Variants in TAOK3 observed in about 807,000 individuals in gnomAD.
The protein encoded by TAOK3 is TAO kinase 3, also known as serine/threonine-protein kinase TAO3.
In TAOK3, 40 loss-of-function variants were observed where a neutral mutation model predicts 120.4. That is an observed-to-expected ratio of 0.33 (90% CI 0.26 to 0.43). The LOEUF (loss-of-function observed/expected upper bound fraction) is 0.43. Ranked by LOEUF, TAOK3 falls within the 20% of genes least tolerant of loss-of-function variation. TAOK3 has a pLI of 1.00. For missense variants in TAOK3, 821 were observed against 1,112.1 expected (o/e 0.74, Z 3.72); for synonymous variants, 355 against 387.5 (o/e 0.92, Z 0.99).
intron 1 of TAOK3, among the ~76,000 whole-genome samples, chr12:118,362,671 C>T (rs2045634413): frequency 6.6e-6 from 1 of 152,142 alleles, no homozygotes; most frequent in Non-Finnish European, 1.5e-5. Context: ...AGTGAACATC[C>T]ACCTTCTGTT....
At chr12:118,368,665 G>A (rs2045811307) in intron 1 of TAOK3, among the ~76,000 whole-genome samples, 1 of 150,798 alleles carries the variant, frequency 6.6e-6, no homozygotes, top group Non-Finnish European at 1.5e-5. Context: ...CATTAGCCGG[G>A]TGTGGTGGCG....
intron 17 of TAOK3, among the ~76,000 whole-genome samples, chr12:118,171,708 C>T (rs1262702346): frequency 6.6e-6 from 1 of 152,146 alleles, no homozygotes; most frequent in African/African-American, 2.4e-5. Context: ...CATTACCCTG[C>T]TTAAAAATCT....
chr12:118,164,664 C>T (rs531319129), intron 17 of TAOK3, among the ~76,000 whole-genome samples: 4 of 152,216 alleles, frequency 2.6e-5, no homozygotes, highest in East Asian at 1.9e-4. Flanking sequence ...GTGATCCACC[C>T]GCCTCGGCCT....
At chr12:118,293,129 G>T (rs1221575713) in intron 1 of TAOK3, among the ~76,000 whole-genome samples, 1 of 152,198 alleles carries the variant, frequency 6.6e-6, no homozygotes, top group Non-Finnish European at 1.5e-5. Context: ...ACAGGAACTG[G>T]AGAAACTGCC....
intron 3 of TAOK3, 138 bp downstream of exon 3, chr12:118,255,310 G>C (rs1388035135): frequency 4.0e-6 from 3 of 757,278 alleles, no homozygotes; most frequent in Non-Finnish European, 6.1e-6. Context: ...ACAGGGTCTT[G>C]CTATGTTGCC....
Position 118,161,722 on chromosome 12 carries a change from ACT to A in TAOK3, c.2139+64_2139+65del. 6.3e-7 allele frequency: 1 copy of A among 1,583,836 alleles called. No individual in the cohort carries two copies. Among genetic ancestry groups the A allele is most frequent in the Admixed American group, 1.7e-5 (1 of 58,052 alleles). ...GTGATTCTGAAAAGTTGCTCAGGTG[ACT>A]CTGACACTTCAGGTAGAGAAACCAC... On this transcript the variant is annotated intron_variant, in intron 18 of 20. Coordinates refer to ENST00000392533, the MANE Select transcript of TAOK3 (RefSeq NM_016281.4). This position sits in a 1 kb window ranked among gnomAD's most constrained non-coding sequence, Gnocchi z 4.5.
At chr12:118,204,020 C>G (rs1157261104) in intron 11 of TAOK3, among the ~76,000 whole-genome samples, 1 of 152,070 alleles carries the variant, frequency 6.6e-6, no homozygotes, top group African/African-American at 2.4e-5. Flanking sequence ...AATCCCAGCA[C>G]TTTGGAAGGC....
At chr12:118,254,686 T>C (rs1007362684) in intron 3 of TAOK3, among the ~76,000 whole-genome samples, 1 of 152,084 alleles carries the variant, frequency 6.6e-6, no homozygotes, top group Non-Finnish European at 1.5e-5. Context: ...TAATAGCACA[T>C]ATAAGGCTCT....
chr12:118,326,634 T>C (rs2043947098), intron 1 of TAOK3, among the ~76,000 whole-genome samples: 1 of 152,210 alleles, frequency 6.6e-6, no homozygotes, highest in Non-Finnish European at 1.5e-5. Context: ...CATTACTTAA[T>C]TTTTGTAATC....
intron 1 of TAOK3, among the ~76,000 whole-genome samples, chr12:118,306,892 T>C (rs1394050870): frequency 6.6e-6 from 1 of 152,190 alleles, no homozygotes; most frequent in Non-Finnish European, 1.5e-5. Context: ...CCAATAATGG[T>C]AGCCATTAAC....
At chr12:118,198,238 G>A (rs536697590) in intron 13 of TAOK3, among the ~76,000 whole-genome samples, 2 of 152,022 alleles carry the variant, frequency 1.3e-5, no homozygotes, top group East Asian at 3.9e-4. Flanking sequence ...GTTGCTTTCT[G>A]ACTCATCCCC....
rs369519878 is a variant in TAOK3, at chr12:118,350,147, G to T, written c.-194+22501C>A. ...GTCCACAACTTTTTATTGTTGCCATGTTATCTAACCAGCTTTTGTATTGTC... is the reference window on the plus strand; with the variant it reads ...GTCCACAACTTTTTATTGTTGCCATTTTATCTAACCAGCTTTTGTATTGTC... On this transcript the variant is annotated intron_variant, in intron 1 of 20. Coordinates refer to ENST00000392533, the MANE Select transcript of TAOK3 (RefSeq NM_016281.4). Among the ~76,000 whole-genome samples, 8 of 152,286 alleles carry T rather than the reference G, an allele frequency of 5.3e-5. No homozygotes were observed. The East Asian group carries it at 1.5e-3, about 29-fold the overall frequency.
chr12:118,245,956 G>T, intron 3 of TAOK3: 1 of 552,776 alleles, frequency 1.8e-6, no homozygotes, highest in Non-Finnish European at 3.1e-6. Flanking sequence ...AATATGAAAA[G>T]ATGTTAAAAA....
intron 16 of TAOK3, among the ~76,000 whole-genome samples, chr12:118,175,483 T>C (rs985588703): frequency 6.6e-6 from 1 of 151,916 alleles, no homozygotes; most frequent in African/African-American, 2.4e-5. Context: ...AAAAATTAGC[T>C]GGGCATGGTG....
intron 1 of TAOK3, chr12:118,283,465 C>T (rs1220934049): frequency 6.6e-6 from 1 of 152,496 alleles, no homozygotes; most frequent in African/African-American, 2.4e-5. Flanking sequence ...AGCACAGTGG[C>T]TCATGCCTGT....
At chr12:118,156,219 T>C (rs1226547880) in intron 19 of TAOK3, among the ~76,000 whole-genome samples, 1 of 152,160 alleles carries the variant, frequency 6.6e-6, no homozygotes, top group Non-Finnish European at 1.5e-5. Flanking sequence ...CCTAACCCTC[T>C]ACTTCTACCG....
chr12:118,296,806 A>G (rs1325659106), intron 1 of TAOK3: 1 of 152,230 alleles, frequency 6.6e-6, no homozygotes, highest in Non-Finnish European at 1.5e-5. Context: ...AATAAACTTC[A>G]CATAACGTAG....
chr12:118,302,944 C>T (rs1292284221), intron 1 of TAOK3, among the ~76,000 whole-genome samples: 1 of 152,132 alleles, frequency 6.6e-6, no homozygotes, highest in African/African-American at 2.4e-5. Context: ...ACTATTCTAT[C>T]TTCAGTACCA....
At chr12:118,294,166 T>C (rs1247327141) in intron 1 of TAOK3, among the ~76,000 whole-genome samples, 1 of 152,210 alleles carries the variant, frequency 6.6e-6, no homozygotes, top group Admixed American at 6.5e-5. Context: ...CATAATAAAC[T>C]ATATCCATAT....
Sources: gnomAD v4.1 joint callset for allele counts (sites outside exome capture counted in the v4.1 genomes callset) on GRCh38, gnomAD v4.1.1 for gene constraint, Gnocchi (gnomAD v3.1) non-coding constraint, MANE v1.5 for transcripts, NCBI Gene and HGNC (gene_info 2026-07-23, HGNC 2026-07-21) for gene names.